Variants in GSTCD observed in about 807,000 individuals in gnomAD.
GSTCD encodes the protein glutathione S-transferase C-terminal domain-containing protein.
In GSTCD, 44 loss-of-function variants were observed where a neutral mutation model predicts 68.3. The observed-to-expected ratio is 0.64, with a 90% CI of 0.51 to 0.83. GSTCD has a LOEUF of 0.83. Ranked by LOEUF, GSTCD falls within the 40% of genes least tolerant of loss-of-function variation. The pLI, the probability that GSTCD is intolerant of heterozygous loss-of-function variation, is 0.00. For synonymous variants in GSTCD, 273 were observed against 255.2 expected (o/e 1.07, Z -0.67); for missense variants, 739 against 735.9 (o/e 1.00, Z -0.05).
At chr4:105,775,472 ATCT>A (rs1414674169) in intron 5 of GSTCD, among the ~76,000 whole-genome samples, 1 of 152,092 alleles carries the variant, frequency 6.6e-6, no homozygotes, top group Non-Finnish European at 1.5e-5. Context: ...GTTTTTCATC[ATCT>A]TCGTGGATTT....
At chr4:105,842,993 C>G (rs915442335) in intron 11 of GSTCD, among the ~76,000 whole-genome samples, 3 of 152,174 alleles carry the variant, frequency 2.0e-5, no homozygotes, top group Non-Finnish European at 4.4e-5. Context: ...TAAAATTATT[C>G]AGAGAAACCC....
chr4:105,798,993 A>C (rs538088580), intron 5 of GSTCD, among the ~76,000 whole-genome samples: 2 of 152,168 alleles, frequency 1.3e-5, no homozygotes, highest in Non-Finnish European at 2.9e-5. Flanking sequence ...CCACCTCATC[A>C]CTTATCTAGA....
chr4:105,809,805 T>C (rs1417609182), intron 5 of GSTCD, among the ~76,000 whole-genome samples: 2 of 152,036 alleles, frequency 1.3e-5, no homozygotes, highest in African/African-American at 4.8e-5. Context: ...ACCTGGTCTT[T>C]TTTCCTCCTA....
At chr4:105,831,119 T>C (rs934724169) in intron 8 of GSTCD, among the ~76,000 whole-genome samples, 4 of 152,196 alleles carry the variant, frequency 2.6e-5, no homozygotes, top group Non-Finnish European at 4.4e-5. Flanking sequence ...TTAGCATTAT[T>C]TGAATTTTAA....
At chr4:105,780,831 A>T (rs1735248824) in intron 5 of GSTCD, among the ~76,000 whole-genome samples, 1 of 152,152 alleles carries the variant, frequency 6.6e-6, no homozygotes, top group Admixed American at 6.5e-5. Flanking sequence ...AGAAATTTTC[A>T]TTTACTTCTG....
At chr4:105,716,718 G>T (rs1732691637) in intron 1 of GSTCD, among the ~76,000 whole-genome samples, 1 of 152,242 alleles carries the variant, frequency 6.6e-6, no homozygotes, top group Non-Finnish European at 1.5e-5. Flanking sequence ...TGTCTTTCAT[G>T]AAACTGGTCC....
Position 105,843,942 on chromosome 4 carries a change from G to C in GSTCD, c.1766-1499G>C, listed in dbSNP as rs569109962. Among the ~76,000 whole-genome samples, 3 of 152,022 alleles carry C rather than the reference G, an allele frequency of 2.0e-5. No homozygotes were observed. In the East Asian group the frequency reaches 5.8e-4, roughly 30 times the overall value. ...CATTTGGCAATGGGAAGAACGGGGG[G>C]AATCACATTGAGAGAAAGCTGTCAC... On this transcript the variant is annotated intron_variant, in intron 11 of 11. Transcript: ENST00000515279.
At chr4:105,796,529 T>C (rs182907018) in intron 5 of GSTCD, among the ~76,000 whole-genome samples, 1 of 152,366 alleles carries the variant, frequency 6.6e-6, no homozygotes, top group East Asian at 1.9e-4. Flanking sequence ...GGTAGCCAAA[T>C]ACAACATTTG....
rs142566296 is a variant in GSTCD, at chr4:105,837,152, C to T, written c.1665-707C>T. ...GCTAATCCTGGAGAGACTGTTCCTC[C>T]CAGGGCTAGCCAATTCCTAGAGATA... On this transcript the variant is annotated intron_variant, in intron 9 of 11. Coordinates refer to ENST00000515279, the MANE Select transcript of GSTCD (RefSeq NM_001370181.1). Among the ~76,000 whole-genome samples, 12 of 152,230 alleles carry T rather than the reference C, an allele frequency of 7.9e-5. No individual in the cohort carries two copies. The East Asian group carries it at 2.3e-3, about 29-fold the overall frequency.
chr4:105,741,810 A>G (rs991116518), intron 5 of GSTCD, among the ~76,000 whole-genome samples: 1 of 152,210 alleles, frequency 6.6e-6, no homozygotes, highest in Non-Finnish European at 1.5e-5. Flanking sequence ...GCTACAGGGT[A>G]TACTCACATT....
intron 5 of GSTCD, among the ~76,000 whole-genome samples, chr4:105,768,797 T>C (rs1734719397): frequency 1.3e-5 from 2 of 151,630 alleles, no homozygotes; most frequent in Non-Finnish European, 2.9e-5. Context: ...TGATTTATTC[T>C]TCCCTTGGGA....
chr4:105,797,303 T>C (rs777529212), intron 5 of GSTCD, among the ~76,000 whole-genome samples: 51 of 152,190 alleles, frequency 3.4e-4, no homozygotes, highest in Admixed American at 6.5e-4. Flanking sequence ...ACAAGGATAG[T>C]TGTGTTCATA....
At chr4:105,743,806 C>A (rs536951592) in intron 5 of GSTCD, among the ~76,000 whole-genome samples, 1 of 151,710 alleles carries the variant, frequency 6.6e-6, no homozygotes, top group East Asian at 1.9e-4. Flanking sequence ...CTACAGGCGC[C>A]CGCCACCACG....
At position 105,847,006 on chromosome 4, in the gene GSTCD, C is replaced by T. The variant is rs1373687115; in HGVS notation, c.*1429C>T. On this transcript the variant is annotated 3_prime_UTR_variant, in exon 12 of 12. Coordinates refer to ENST00000515279, the MANE Select transcript of GSTCD (RefSeq NM_001370181.1). ...ATGTGTTGTCACAGGATTTGTTATT[C>T]AGATGTCAATCATTTTTATTTATAT... 2.0e-5 allele frequency: 3 copies of T among 152,118 alleles called. No individual in the cohort carries two copies. Among genetic ancestry groups the T allele is most frequent in the Non-Finnish European group, 4.4e-5 (3 of 68,032 alleles). 9.4% of individuals were successfully genotyped at this position (152,118 alleles called of 1,614,324 possible).
intron 5 of GSTCD, among the ~76,000 whole-genome samples, chr4:105,795,789 A>G (rs1023586725): frequency 6.6e-6 from 1 of 152,104 alleles, no homozygotes; most frequent in African/African-American, 2.4e-5. Flanking sequence ...TCTGACCTAT[A>G]GATTGTGATT....
chr4:105,803,933 G>A (rs1736202165), intron 5 of GSTCD, among the ~76,000 whole-genome samples: 2 of 152,004 alleles, frequency 1.3e-5, no homozygotes, highest in Admixed American at 1.3e-4. Context: ...GGAAAGGTGA[G>A]GGAGATACAG....
At chr4:105,791,265 C>T (rs917306182) in intron 5 of GSTCD, among the ~76,000 whole-genome samples, 4 of 151,088 alleles carry the variant, frequency 2.6e-5, no homozygotes, top group South Asian at 2.1e-4. Flanking sequence ...TGGTGGTGGG[C>T]GCCTGTAGTC....
intron 8 of GSTCD, among the ~76,000 whole-genome samples, chr4:105,830,210 G>C (rs1723838129): frequency 1.3e-5 from 2 of 152,046 alleles, no homozygotes; most frequent in East Asian, 3.9e-4. Flanking sequence ...AGAACACCAA[G>C]GGTGAACAGA....
intron 5 of GSTCD, among the ~76,000 whole-genome samples, chr4:105,766,887 C>CTTTTTTTTTTTTTT: frequency 1.6e-4 from 9 of 57,126 alleles, no homozygotes; most frequent in African/African-American, 2.4e-4. Context: ...GTTTTTGACT[C>CTTTTTTTTTTTTTT]TTTTTTTTTT....
Sources: gnomAD v4.1 joint callset for allele counts (sites outside exome capture counted in the v4.1 genomes callset) on GRCh38, gnomAD v4.1.1 for gene constraint, MANE v1.5 for transcripts, NCBI Gene and HGNC (gene_info 2026-07-23, HGNC 2026-07-21) for gene names.